Variants in SPIDR observed in about 807,000 individuals in gnomAD.
SPIDR encodes the protein DNA repair-scaffolding protein.
Under a neutral mutation model 104.6 loss-of-function variants are expected in SPIDR, and 93 were observed. That is an observed-to-expected ratio of 0.89 (90% confidence interval 0.75 to 1.06). The LOEUF (loss-of-function observed/expected upper bound fraction) is 1.06, where lower values mean the gene tolerates loss of function less well. SPIDR is among the 50% of genes least tolerant of loss of function. SPIDR has a pLI of 0.00. For synonymous variants in SPIDR, 431 were observed against 416.9 expected (o/e 1.03, Z -0.41); for missense variants, 1,154 against 1,111.2 (o/e 1.04, Z -0.55).
At chr8:47,392,573 A>G (rs1310015721) in intron 5 of SPIDR, among the ~76,000 whole-genome samples, 1 of 152,214 alleles carries the variant, frequency 6.6e-6, no homozygotes, top group East Asian at 1.9e-4. Context: ...AGCCAAAGGT[A>G]CCTAAAATTT....
At chr8:47,484,307 C>A (rs1312134420) in intron 8 of SPIDR, among the ~76,000 whole-genome samples, 1 of 152,346 alleles carries the variant, frequency 6.6e-6, no homozygotes, top group East Asian at 1.9e-4. Flanking sequence ...TTATACATAT[C>A]AACCCTTTGA....
chr8:47,672,556 A>G (rs2075932485), intron 10 of SPIDR, among the ~76,000 whole-genome samples: 1 of 152,226 alleles, frequency 6.6e-6, no homozygotes, highest in Non-Finnish European at 1.5e-5. Context: ...TTTTTATTTC[A>G]ATAAATGTAG....
intron 5 of SPIDR, among the ~76,000 whole-genome samples, chr8:47,367,118 G>A (rs1277791894): frequency 6.6e-6 from 1 of 152,162 alleles, no homozygotes; most frequent in Non-Finnish European, 1.5e-5. Context: ...CTTTAAACCT[G>A]TATTTAGAGG....
At chr8:47,493,811 A>C (rs1336932005) in intron 8 of SPIDR, among the ~76,000 whole-genome samples, 1 of 152,202 alleles carries the variant, frequency 6.6e-6, no homozygotes, top group Non-Finnish European at 1.5e-5. Context: ...TATTATAGTA[A>C]GACTCTGGTC....
At chr8:47,457,348 G>A (rs1371240184) in intron 8 of SPIDR, among the ~76,000 whole-genome samples, 6 of 152,042 alleles carry the variant, frequency 3.9e-5, no homozygotes, top group Non-Finnish European at 8.8e-5. Context: ...TTCCATTTCC[G>A]TGATCATTGG....
chr8:47,624,790 C>A (rs903039602), intron 10 of SPIDR, among the ~76,000 whole-genome samples: 1 of 152,144 alleles, frequency 6.6e-6, no homozygotes, highest in African/African-American at 2.4e-5. Context: ...GGATTCAAAG[C>A]CGAATTCTAC....
intron 8 of SPIDR, among the ~76,000 whole-genome samples, chr8:47,462,091 T>C (rs2074036811): frequency 6.6e-6 from 1 of 152,166 alleles, no homozygotes. Context: ...TCAGATTCTT[T>C]TGTCCCACAG....
chr8:47,732,550 G>A, intron 19 of SPIDR: 1 of 265,368 alleles, frequency 3.8e-6, no homozygotes, highest in South Asian at 5.0e-5. Flanking sequence ...CAACTTAGGA[G>A]GCTCTTTACT....
At chr8:47,515,215 C>A (rs2082934372) in intron 8 of SPIDR, among the ~76,000 whole-genome samples, 1 of 152,162 alleles carries the variant, frequency 6.6e-6, no homozygotes, top group South Asian at 2.1e-4. Context: ...CTGCCAGTTT[C>A]TTCTGCTAAA....
chr8:47,605,375 T>G (rs190310925), intron 10 of SPIDR, among the ~76,000 whole-genome samples: 6 of 152,266 alleles, frequency 3.9e-5, no homozygotes, highest in Non-Finnish European at 8.8e-5. Flanking sequence ...GCACAGAAGC[T>G]CACTTAGCAG....
chr8:47,691,527 C>G lies in SPIDR; in HGVS notation c.1686-8876C>G, dbSNP rs576631014. Among the ~76,000 whole-genome samples, 14 of 152,254 alleles carry G rather than the reference C, an allele frequency of 9.2e-5. No individual in the cohort carries two copies. In the South Asian group the frequency reaches 2.9e-3, roughly 32 times the overall value. On this transcript the variant is annotated intron_variant, in intron 11 of 19. Coordinates refer to ENST00000297423, the MANE Select transcript of SPIDR (RefSeq NM_001080394.4). ...CACCAGAAGTATTACTGAAATACTG[C>G]TTTATGGTGTGCATTTTACTGTTCT...
At chr8:47,269,165 CTTTT>C (rs1160351168) in intron 1 of SPIDR, among the ~76,000 whole-genome samples, 1 of 111,812 alleles carries the variant, frequency 8.9e-6, no homozygotes, top group Non-Finnish European at 1.8e-5. Flanking sequence ...AGACCCTCTC[CTTTT>C]TTTTTTTTTT....
At chr8:47,373,097 C>T (rs1164366393) in intron 5 of SPIDR, among the ~76,000 whole-genome samples, 1 of 152,158 alleles carries the variant, frequency 6.6e-6, no homozygotes, top group African/African-American at 2.4e-5. Context: ...CAGTACACTA[C>T]TGTGGAATGT....
At chr8:47,698,041 A>G (rs1297305132) in intron 11 of SPIDR, 6 of 152,238 alleles carry the variant, frequency 3.9e-5, no homozygotes. Flanking sequence ...CAATCTATAA[A>G]TTAAGGTATA....
chr8:47,658,250 C>T (rs1202577974), intron 10 of SPIDR, among the ~76,000 whole-genome samples: 1 of 151,640 alleles, frequency 6.6e-6, no homozygotes, highest in African/African-American at 2.4e-5. Flanking sequence ...GAAACCCTGT[C>T]TCTACTAAAA....
intron 8 of SPIDR, among the ~76,000 whole-genome samples, chr8:47,564,029 C>T (rs1396028542): frequency 1.3e-5 from 2 of 150,990 alleles, no homozygotes; most frequent in African/African-American, 4.9e-5. Context: ...TTATTTAGTC[C>T]CTTTGGGAAA....
chr8:47,321,046 C>A (rs1303012329), intron 5 of SPIDR, among the ~76,000 whole-genome samples: 1 of 152,172 alleles, frequency 6.6e-6, no homozygotes, highest in Non-Finnish European at 1.5e-5. Flanking sequence ...GACAGGGATG[C>A]CCTCTCTCAC....
intron 6 of SPIDR, among the ~76,000 whole-genome samples, chr8:47,397,560 G>A (rs781886550): frequency 6.6e-6 from 1 of 152,188 alleles, no homozygotes; most frequent in East Asian, 1.9e-4. Flanking sequence ...AAAAGCAAAA[G>A]TAATAGAGCA....
intron 8 of SPIDR, among the ~76,000 whole-genome samples, chr8:47,485,230 G>A (rs184481040): frequency 1.8e-4 from 28 of 152,308 alleles, no homozygotes; most frequent in Admixed American, 7.8e-4. Context: ...GGTCCCACGC[G>A]CACGGAGCCT....
Sources: gnomAD v4.1 joint callset for allele counts (sites outside exome capture counted in the v4.1 genomes callset) on GRCh38, gnomAD v4.1.1 for gene constraint, MANE v1.5 for transcripts, NCBI Gene and HGNC (gene_info 2026-07-23, HGNC 2026-07-21) for gene names.